NSG1: variants seen among roughly 807,000 people sequenced by gnomAD.
NSG1 encodes neuronal vesicle trafficking-associated protein 1.
NSG1 carries 9 observed loss-of-function variants against 19.3 expected under a neutral mutation model. The ratio of observed to expected loss-of-function variants is 0.47; its 90% confidence interval spans 0.28 to 0.81. The LOEUF (loss-of-function observed/expected upper bound fraction) is 0.81, where lower values mean the gene tolerates loss of function less well. NSG1 is among the 40% of genes least tolerant of loss of function. The probability of loss-of-function intolerance (pLI) is 0.11; values close to 1 mark genes in which losing one functional copy is unlikely to be tolerated. For missense variants in NSG1, 236 were observed against 242.4 expected (o/e 0.97, Z 0.18); for synonymous variants, 104 against 107.0 (o/e 0.97, Z 0.17).
chr4:4,410,380 G>C (rs947410984), intron 4 of NSG1, among the ~76,000 whole-genome samples: 11 of 152,388 alleles, frequency 7.2e-5, no homozygotes, highest in African/African-American at 2.6e-4. Context: ...GCATCACTTA[G>C]TGACGGGAAT....
intron 3 of NSG1, among the ~76,000 whole-genome samples, chr4:4,396,811 A>G (rs1239640526): frequency 1.3e-5 from 2 of 150,234 alleles, no homozygotes; most frequent in East Asian, 3.9e-4. Context: ...CATTTCTTAA[A>G]TATTTATGAA....
chr4:4,408,860 C>T (rs1003950542), intron 3 of NSG1, among the ~76,000 whole-genome samples: 3 of 152,316 alleles, frequency 2.0e-5, no homozygotes, highest in Admixed American at 6.5e-5. Context: ...GACCCATGCC[C>T]CGTGCCCTCC....
chr4:4,395,418 G>C (rs1212866732), intron 3 of NSG1, among the ~76,000 whole-genome samples: 1 of 152,196 alleles, frequency 6.6e-6, no homozygotes, highest in African/African-American at 2.4e-5. Context: ...GGAATGCTAA[G>C]GGTGCCCACC....
intron 3 of NSG1, among the ~76,000 whole-genome samples, chr4:4,401,905 G>T (rs767356177): frequency 5.3e-5 from 8 of 152,080 alleles, no homozygotes; most frequent in Non-Finnish European, 1.2e-4. Flanking sequence ...TTTTGAGACA[G>T]GGCCTCGCTT....
At chr4:4,392,431 C>A (rs1723044056) in intron 3 of NSG1, among the ~76,000 whole-genome samples, 1 of 152,194 alleles carries the variant, frequency 6.6e-6, no homozygotes, top group African/African-American at 2.4e-5. Flanking sequence ...TCTCTGGTCA[C>A]CCTCCACTTG....
At chr4:4,411,909 G>A (rs1055447399) in intron 4 of NSG1, among the ~76,000 whole-genome samples, 7 of 151,684 alleles carry the variant, frequency 4.6e-5, no homozygotes, top group African/African-American at 1.5e-4. Context: ...AGTATAGTAC[G>A]GTAACATAAA....
At chr4:4,392,365 A>G (rs1723039820) in intron 3 of NSG1, among the ~76,000 whole-genome samples, 1 of 152,116 alleles carries the variant, frequency 6.6e-6, no homozygotes. Flanking sequence ...AGATTCAAGG[A>G]GGTGAATTGA....
chr4:4,408,941 C>CT (rs953306733), intron 3 of NSG1, among the ~76,000 whole-genome samples: 58 of 152,386 alleles, frequency 3.8e-4, no homozygotes, highest in Admixed American at 2.5e-3. Context: ...TAAACACCAG[C>CT]TGAACACCTA....
intron 3 of NSG1, among the ~76,000 whole-genome samples, chr4:4,407,665 G>A (rs537549355): frequency 1.3e-5 from 2 of 152,290 alleles, no homozygotes; most frequent in African/African-American, 4.8e-5. Flanking sequence ...GCCTGGAGAT[G>A]AAGACCTCCG....
chr4:4,415,913 C>T (rs1724505600), intron 4 of NSG1: 2 of 578,568 alleles, frequency 3.5e-6, no homozygotes, highest in East Asian at 5.8e-5. Flanking sequence ...CTTCCTGATG[C>T]ACGCGCTGCT....
At chr4:4,398,676 T>G (rs1433077839) in intron 3 of NSG1, among the ~76,000 whole-genome samples, 1 of 152,246 alleles carries the variant, frequency 6.6e-6, no homozygotes, top group Non-Finnish European at 1.5e-5. Flanking sequence ...CACATTTTGT[T>G]TATTGATTCA....
At chr4:4,415,970 C>T (rs1316180376) in intron 4 of NSG1, 5 of 633,866 alleles carry the variant, frequency 7.9e-6, no homozygotes, top group Non-Finnish European at 1.4e-5. Context: ...TGCTTCCCGA[C>T]GTCCTGGTGG....
At chr4:4,391,390 T>G in intron 2 of NSG1, 85 bp from the exon 3 acceptor site, 1 of 801,226 alleles carries the variant, frequency 1.2e-6, no homozygotes, top group South Asian at 1.9e-5. Flanking sequence ...ATGGTGACTT[T>G]GAATATGGGA....
chr4:4,401,969 C>T (rs561945315), intron 3 of NSG1, among the ~76,000 whole-genome samples: 4 of 151,700 alleles, frequency 2.6e-5, no homozygotes, highest in Non-Finnish European at 4.4e-5. Flanking sequence ...CAGCCTCAAA[C>T]TCCCAGGCTG....
chr4:4,401,341 T>G (rs1723536867), intron 3 of NSG1, among the ~76,000 whole-genome samples: 1 of 152,180 alleles, frequency 6.6e-6, no homozygotes, highest in Non-Finnish European at 1.5e-5. Context: ...ACCCGGGACC[T>G]GTCTGCTTCC....
intron 3 of NSG1, 86 bp downstream of exon 3, chr4:4,391,677 A>G: frequency 1.2e-6 from 1 of 841,218 alleles, no homozygotes; most frequent in Non-Finnish European, 1.9e-6. Flanking sequence ...AGGGAGGGCC[A>G]GGGTTTGACG....
At chr4:4,389,304 C>T (rs113412251) in intron 2 of NSG1, among the ~76,000 whole-genome samples, 3 of 152,166 alleles carry the variant, frequency 2.0e-5, no homozygotes, top group Non-Finnish European at 2.9e-5. Flanking sequence ...CTAGGCAGCT[C>T]GGAAAGGTGA....
rs375915392 is a variant in NSG1, at chr4:4,417,215, A to G, written c.358-20A>G. 14 of 1,611,878 alleles carry G rather than the reference A, an allele frequency of 8.7e-6. No homozygotes were observed. The African/African-American group carries it at 1.7e-4, about 20-fold the overall frequency. Reference sequence around the variant, plus strand: ...CCCTCTTGCACCGACGCGTGCTCTCAGTGGCCTCTTGTCTTTCAGAACACC... The same window carrying G: ...CCCTCTTGCACCGACGCGTGCTCTCGGTGGCCTCTTGTCTTTCAGAACACC... On this transcript the variant is annotated intron_variant, in intron 4 of 4. Transcript: ENST00000621129.
chr4:4,412,060 G>A (rs377117736), intron 4 of NSG1, among the ~76,000 whole-genome samples: 41 of 152,162 alleles, frequency 2.7e-4, no homozygotes, highest in African/African-American at 7.2e-4. Flanking sequence ...GTTGTGTTCC[G>A]TCTACACGGT....
Sources: gnomAD v4.1 joint callset for allele counts (sites outside exome capture counted in the v4.1 genomes callset) on GRCh38, gnomAD v4.1.1 for gene constraint, MANE v1.5 for transcripts, NCBI Gene and HGNC (gene_info 2026-07-23, HGNC 2026-07-21) for gene names.